Variants in WWOX observed in about 807,000 individuals in gnomAD.
WWOX encodes the protein WW domain-containing oxidoreductase.
WWOX carries 69 observed loss-of-function variants against 46.2 expected under a neutral mutation model. The observed-to-expected ratio is 1.49, with a 90% CI of 1.23 to 1.82. WWOX has a LOEUF of 1.82. Ranked by LOEUF, WWOX falls within the 40% of genes most tolerant of loss-of-function variation. The pLI is 0.00. For synonymous variants in WWOX, 359 were observed against 202.6 expected (o/e 1.77, Z -6.56); for missense variants, 919 against 542.6 (o/e 1.69, Z -6.89).
intron 8 of WWOX, among the ~76,000 whole-genome samples, chr16:79,095,263 A>G (rs1268255129): frequency 6.6e-6 from 1 of 152,198 alleles, no homozygotes; most frequent in African/African-American, 2.4e-5. Context: ...GAGAAGACAG[A>G]AGAGATGGAA....
At chr16:78,699,873 A>G (rs552422009) in intron 8 of WWOX, among the ~76,000 whole-genome samples, 20 of 152,206 alleles carry the variant, frequency 1.3e-4, no homozygotes, top group African/African-American at 4.8e-4. Context: ...ATCTTCTAAG[A>G]TAATGGTTTT....
In WWOX at chr16:78,594,443, C is replaced by A. The variant is rs766617247; in HGVS notation, c.1056+161691C>A. On this transcript the variant is annotated intron_variant, in intron 8 of 8. Transcript: ENST00000566780. ...ACTGAGGAAAGGCCCCCCCCCCCCC[C>A]CCGCCAAATTGTCCCGTTGTCTCTT... Among the ~76,000 whole-genome samples, 20 of 87,038 alleles carry A rather than the reference C, an allele frequency of 2.3e-4. No homozygotes were observed. In the East Asian group the frequency reaches 3.9e-3, roughly 17 times the overall value. 57.1% of individuals were successfully genotyped at this position (87,038 alleles called of 152,430 possible).
At chr16:79,139,830 C>A (rs570846948) in intron 8 of WWOX, among the ~76,000 whole-genome samples, 1 of 152,340 alleles carries the variant, frequency 6.6e-6, no homozygotes, top group East Asian at 1.9e-4. Context: ...ACTTTAGTGA[C>A]AGTATCTACT....
intron 8 of WWOX, among the ~76,000 whole-genome samples, chr16:78,502,537 A>G (rs1488749301): frequency 1.3e-5 from 2 of 152,228 alleles, no homozygotes; most frequent in African/African-American, 2.4e-5. Flanking sequence ...TTTGTGGCTA[A>G]GTAATACGCC....
intron 8 of WWOX, among the ~76,000 whole-genome samples, chr16:78,659,957 C>CA (rs1033965239): frequency 6.6e-5 from 10 of 151,736 alleles, no homozygotes; most frequent in South Asian, 2.1e-4. Flanking sequence ...TTAGTGCATG[C>CA]AAAAAAAAGC....
intron 4 of WWOX, among the ~76,000 whole-genome samples, chr16:78,144,780 C>T (rs2034141347): frequency 6.6e-6 from 1 of 151,656 alleles, no homozygotes; most frequent in African/African-American, 2.4e-5. Flanking sequence ...CTTGGCCTAC[C>T]AAAGTGCTGG....
chr16:78,196,824 G>T (rs1220948581), intron 5 of WWOX, among the ~76,000 whole-genome samples: 1 of 152,160 alleles, frequency 6.6e-6, no homozygotes, highest in Non-Finnish European at 1.5e-5. Flanking sequence ...ATGATTTAAT[G>T]TACTCTCTGA....
At chr16:79,024,395 A>G (rs1448972340) in intron 8 of WWOX, among the ~76,000 whole-genome samples, 1 of 152,108 alleles carries the variant, frequency 6.6e-6, no homozygotes, top group African/African-American at 2.4e-5. Context: ...AGTAGCTGAG[A>G]CTACAGGTGC....
chr16:78,353,182 C>G (rs1474546321), intron 5 of WWOX, among the ~76,000 whole-genome samples: 3 of 152,168 alleles, frequency 2.0e-5, no homozygotes, highest in Admixed American at 6.5e-5. Context: ...TAACACCTAT[C>G]TTAGCAACTC....
intron 5 of WWOX, among the ~76,000 whole-genome samples, chr16:78,313,777 G>C (rs2080297716): frequency 6.6e-6 from 1 of 152,258 alleles, no homozygotes; most frequent in Middle Eastern, 3.4e-3. Context: ...TTATGGAAGA[G>C]GGCTAGAGAG....
chr16:78,917,076 A>G (rs905887509), intron 8 of WWOX, among the ~76,000 whole-genome samples: 2 of 152,168 alleles, frequency 1.3e-5, no homozygotes, highest in African/African-American at 4.8e-5. Context: ...TTCCAGATTC[A>G]ATATAGTAGG....
chr16:78,651,025 G>C (rs935301957), intron 8 of WWOX, among the ~76,000 whole-genome samples: 1 of 152,188 alleles, frequency 6.6e-6, no homozygotes, highest in Admixed American at 6.5e-5. Flanking sequence ...TTCTGCTGTT[G>C]GATTGATAGC....
intron 8 of WWOX, among the ~76,000 whole-genome samples, chr16:78,959,017 A>G (rs2046222974): frequency 6.6e-6 from 1 of 152,188 alleles, no homozygotes; most frequent in South Asian, 2.1e-4. Context: ...GGAGTTCTAT[A>G]ACAGCAAGAC....
chr16:78,556,586 G>T (rs184171001), intron 8 of WWOX, among the ~76,000 whole-genome samples: 2 of 152,304 alleles, frequency 1.3e-5, no homozygotes, highest in East Asian at 3.9e-4. Flanking sequence ...GGCGTGCGGT[G>T]AGTTGCCGTG....
At chr16:78,333,043 C>CTTTTTTTTTTTTTTTTTGT (rs2080798609) in intron 5 of WWOX, among the ~76,000 whole-genome samples, 2 of 57,094 alleles carry the variant, frequency 3.5e-5, no homozygotes, top group Non-Finnish European at 7.6e-5. Context: ...GAGCATTATA[C>CTTTTTTTTTTTTTTTTTGT]TTTTTTTTTT....
At chr16:78,500,279 G>A (rs895637053) in intron 8 of WWOX, among the ~76,000 whole-genome samples, 1 of 152,190 alleles carries the variant, frequency 6.6e-6, no homozygotes. Context: ...GGCATTTGCT[G>A]TGGTTCCTAA....
chr16:78,587,351 T>G (rs2045235144), intron 8 of WWOX, among the ~76,000 whole-genome samples: 1 of 151,992 alleles, frequency 6.6e-6, no homozygotes, highest in Non-Finnish European at 1.5e-5. Flanking sequence ...ATTCTTTACA[T>G]TTTTAAAATA....
chr16:78,904,941 T>A (rs995407541), intron 8 of WWOX, among the ~76,000 whole-genome samples: 1 of 152,202 alleles, frequency 6.6e-6, no homozygotes, highest in East Asian at 1.9e-4. Context: ...CCTGTTGGTT[T>A]TCCAAATTGT....
At chr16:79,082,409 G>C (rs2048777129) in intron 8 of WWOX, among the ~76,000 whole-genome samples, 1 of 152,118 alleles carries the variant, frequency 6.6e-6, no homozygotes, top group Admixed American at 6.5e-5. Context: ...TACATCAGGG[G>C]AGGGTCATGA....
Sources: allele counts gnomAD v4.1 joint callset (sites outside exome capture counted in the v4.1 genomes callset), GRCh38; gene constraint gnomAD v4.1.1; transcripts MANE v1.5; gene names NCBI Gene and HGNC (gene_info 2026-07-23, HGNC 2026-07-21).